The following SP140 variants were observed in gnomAD, a reference collection of about 807,000 sequenced individuals.
SP140 encodes the protein SP140 nuclear body protein.
Under a neutral mutation model 125.0 loss-of-function variants are expected in SP140, and 81 were observed. That is an observed-to-expected ratio of 0.65 (90% CI 0.54 to 0.78). The LOEUF is 0.78. Among genes scored for constraint, SP140 ranks in the 30% least tolerant of loss-of-function variants. The pLI is 0.00. For missense variants in SP140, 858 were observed against 1,037.0 expected (o/e 0.83, Z 2.37); for synonymous variants, 312 against 354.0 (o/e 0.88, Z 1.33).
chr2:230,238,390 A>C lies in SP140; in HGVS notation c.406+9A>C. 6.2e-7 allele frequency: 1 copy of C among 1,603,062 alleles called. No individual in the cohort carries two copies. The highest frequency in any genetic ancestry group is 8.5e-7 in the Non-Finnish European group (1 of 1,176,756). ...CAGAAGCTTCCAGAATGGTAACTATAGCTCTCAACAGCTTTGGGGGATTCA... is the reference window on the plus strand; with the variant it reads ...CAGAAGCTTCCAGAATGGTAACTATCGCTCTCAACAGCTTTGGGGGATTCA... On this transcript the variant is annotated intron_variant, in intron 3 of 26. Coordinates refer to ENST00000392045, the MANE Select transcript of SP140 (RefSeq NM_007237.5).
chr2:230,188,247 G>A, the SP140 span, among the ~76,000 whole-genome samples: 1 of 151,920 alleles, frequency 6.6e-6, no homozygotes, highest in Non-Finnish European at 1.5e-5. Context: ...TTATTTTGTT[G>A]AAGTTGTTTT....
At chr2:230,256,267 C>A (rs540426112) in intron 12 of SP140, among the ~76,000 whole-genome samples, 1 of 152,102 alleles carries the variant, frequency 6.6e-6, no homozygotes, top group East Asian at 1.9e-4. Context: ...AGACTTGGAA[C>A]CAACCCAAAT....
the SP140 span, among the ~76,000 whole-genome samples, chr2:230,192,437 T>C: frequency 1.3e-5 from 2 of 152,102 alleles, no homozygotes; most frequent in Non-Finnish European, 2.9e-5. Context: ...TTCAACAAAG[T>C]CTCAGGATAC....
downstream of SP140, chr2:230,313,217 A>T (rs994834207): frequency 1.3e-5 from 2 of 152,982 alleles, no homozygotes; most frequent in African/African-American, 4.8e-5. Context: ...CCTCCTGTTT[A>T]TCTGCTTTTG....
At chr2:230,209,606 T>C (rs112228854) in intron 1 of SP140, among the ~76,000 whole-genome samples, 6,622 of 152,210 alleles carry the variant, frequency 0.044, 358 homozygotes, top group African/African-American at 0.13. Context: ...TAAGAGGAAG[T>C]GGGTTCCTCT....
At chr2:230,248,863 T>A (rs1472603196) in intron 8 of SP140, 22 bp from the exon 9 acceptor site, 4 of 1,597,032 alleles carry the variant, frequency 2.5e-6, no homozygotes, top group Non-Finnish European at 3.4e-6. Flanking sequence ...CTGTGGTCTG[T>A]CAATTTCTTG....
At chr2:230,252,830 C>T (rs1298502842) in intron 10 of SP140, among the ~76,000 whole-genome samples, 13 of 151,582 alleles carry the variant, frequency 8.6e-5, no homozygotes, top group Non-Finnish European at 1.3e-4. Flanking sequence ...GGGTTCAGGG[C>T]CGGGTCACAG....
chr2:230,301,393 C>G (rs1009030693), intron 22 of SP140, among the ~76,000 whole-genome samples: 1 of 152,126 alleles, frequency 6.6e-6, no homozygotes, highest in Non-Finnish European at 1.5e-5. Flanking sequence ...AAAACATCAG[C>G]TAAACTACAA....
chr2:230,231,662 C>A (rs536276944), intron 1 of SP140, among the ~76,000 whole-genome samples: 1 of 152,158 alleles, frequency 6.6e-6, no homozygotes, highest in Non-Finnish European at 1.5e-5. Context: ...TTTAATGGAA[C>A]TGCACCTTGG....
At chr2:230,198,385 T>C (rs563285042), upstream of SP140, among the ~76,000 whole-genome samples, 77 of 152,246 alleles carry the variant, frequency 5.1e-4, no homozygotes, top group African/African-American at 1.8e-3. Context: ...GGAGAAGAAT[T>C]GGAACTAGAG....
chr2:230,290,466 G>T lies in SP140; in HGVS notation c.1727G>T (p.Arg576Ile). Residue 576 changes from arginine (R) to isoleucine (I), a missense_variant, in exon 19 of 27, where the codon AGA becomes ATA. Arg to Ile is a moderately conservative substitution (Grantham distance 97). Around this residue, in one of 4 missense-constraint regions of SP140, gnomAD observed 791 missense variants for 869.5 expected, o/e 0.91. Transcript: ENST00000392045. ...AAGAAATCCTCTCTTTCAGCTTCAAGAAAGCACAAAGATGAAACTGTGGAT... is the reference window on the plus strand; with the variant it reads ...AAGAAATCCTCTCTTTCAGCTTCAATAAAGCACAAAGATGAAACTGTGGAT... ...AQKRVRSRAS[R>I]KHKDETVDFK... 1 of 1,613,732 alleles carries T rather than the reference G, an allele frequency of 6.2e-7. No homozygotes were observed. The highest frequency in any genetic ancestry group is 8.5e-7 in the Non-Finnish European group (1 of 1,179,794).
chr2:230,201,020 C>A, upstream of SP140: 1 of 1,377,936 alleles, frequency 7.3e-7, no homozygotes, highest in South Asian at 1.2e-5. Context: ...TGGAGAATCT[C>A]CCAGAGACCC....
In SP140 at chr2:230,250,887, A is replaced by T. The variant is rs1051450814; in HGVS notation, c.977-94A>T. ...CCTACAGGCCAGGAGGGCCTGGGTG[A>T]TGGACAGCCCCACCTAGGAGATACT... On this transcript the variant is annotated intron_variant, in intron 9 of 26. Coordinates refer to ENST00000392045, the MANE Select transcript of SP140 (RefSeq NM_007237.5). The T allele has an allele frequency of 1.6e-5, 22 of 1,395,846 alleles. No individual in the cohort carries two copies. In the African/African-American group the frequency reaches 2.4e-4, roughly 15 times the overall value. The allele number at this position is 1,395,846 out of a possible 1,614,324, so 86.5% of individuals were successfully genotyped here. A position where few individuals can be genotyped will look rare whatever the true frequency, so the allele number is the denominator to read the frequency against.
chr2:230,243,906 T>A, intron 5 of SP140, 95 bp downstream of exon 5: 1 of 819,186 alleles, frequency 1.2e-6, no homozygotes, highest in South Asian at 1.5e-5. Flanking sequence ...TCTGAGTACA[T>A]GCCACAGGCA....
intron 1 of SP140, among the ~76,000 whole-genome samples, chr2:230,229,613 G>A (rs1272177472): frequency 2.0e-5 from 3 of 151,076 alleles, no homozygotes; most frequent in East Asian, 3.9e-4. Context: ...GACTACAGGC[G>A]CCCACCACCA....
intron 7 of SP140, among the ~76,000 whole-genome samples, chr2:230,247,552 G>A (rs1302823881): frequency 6.6e-6 from 1 of 152,174 alleles, no homozygotes; most frequent in African/African-American, 2.4e-5. Context: ...TCTTTCCTCT[G>A]ATCTTGTACC....
At chr2:230,298,491 C>G (rs1304713821) in intron 22 of SP140, among the ~76,000 whole-genome samples, 1 of 152,142 alleles carries the variant, frequency 6.6e-6, no homozygotes, top group Non-Finnish European at 1.5e-5. Context: ...ATTAAAACAG[C>G]CCTGGAAGTC....
rs539714879 is a variant in SP140 at position 230,307,692 on chromosome 2, C to T, written c.2059-2232C>T. 1.7e-4 allele frequency among the ~76,000 whole-genome samples: 26 copies of T among 152,204 alleles called. No homozygotes were observed. The South Asian group carries it at 5.0e-3, about 29-fold the overall frequency. On this transcript the variant is annotated intron_variant, in intron 22 of 26. Coordinates refer to ENST00000392045, the MANE Select transcript of SP140 (RefSeq NM_007237.5). ...TGGCTGGACCCCATGCTTGCTCACA[C>T]GCCTCTCCCACTCCATGCCTGACCT...
chr2:230,196,132 T>C, the SP140 span, among the ~76,000 whole-genome samples: 1 of 152,206 alleles, frequency 6.6e-6, no homozygotes, highest in African/African-American at 2.4e-5. Context: ...TATAAATCAT[T>C]ATGTTTTCTG....
Sources: gnomAD v4.1 joint callset for allele counts (sites outside exome capture counted in the v4.1 genomes callset) on GRCh38, gnomAD v4.1.1 for gene constraint, gnomAD v4.1.1 regional missense constraint, MANE v1.5 for transcripts, NCBI Gene and HGNC (gene_info 2026-07-23, HGNC 2026-07-21) for gene names.